KIF18A: variants seen among roughly 807,000 people sequenced by gnomAD.
KIF18A encodes the protein kinesin-like protein KIF18A.
In KIF18A, 67 loss-of-function variants were observed where a neutral mutation model predicts 103.3. The ratio of observed to expected loss-of-function variants is 0.65; its 90% CI spans 0.53 to 0.79. KIF18A has a LOEUF of 0.79. Among genes scored for constraint, KIF18A ranks in the 30% least tolerant of loss-of-function variants. The pLI is 0.00. For synonymous variants in KIF18A, 367 were observed against 355.5 expected (o/e 1.03, Z -0.36); for missense variants, 1,032 against 1,062.5 (o/e 0.97, Z 0.40).
Position 28,082,916 on chromosome 11 carries a change from G to C in KIF18A, c.1202C>G (p.Thr401Ser). Residue 401 changes from threonine (T) to serine (S), a missense_variant, in exon 9 of 17, where the codon ACT becomes AGT. Transcript: ENST00000263181. ...TAACTTTGCTTGGTCATTTTCATTA[G>C]TGAAGGCTTTCTGTTCTTCATAGGC... ...LKAYEEQKAFTNENDQAKLMI... is the reference protein window; with the variant it reads ...LKAYEEQKAFSNENDQAKLMI... 4 of 1,605,734 alleles carry C rather than the reference G, an allele frequency of 2.5e-6. No homozygotes were observed. Among genetic ancestry groups the C allele is most frequent in the Non-Finnish European group, 3.4e-6 (4 of 1,175,342 alleles).
intron 15 of KIF18A, 40 bp downstream of exon 15, chr11:28,035,345 TTA>T (rs758390984): frequency 3.7e-5 from 39 of 1,049,148 alleles, no homozygotes; most frequent in Non-Finnish European, 4.9e-5. Context: ...AAAGATTATC[TTA>T]TATAACTACA....
chr11:28,022,952 A>G (rs902693825), intron 16 of KIF18A, among the ~76,000 whole-genome samples: 1 of 152,226 alleles, frequency 6.6e-6, no homozygotes, highest in South Asian at 2.1e-4. Context: ...ATCATGAGAC[A>G]CCTTTAAATT....
chr11:28,051,699 C>T (rs1376765047), intron 13 of KIF18A, among the ~76,000 whole-genome samples: 1 of 151,994 alleles, frequency 6.6e-6, no homozygotes, highest in Admixed American at 6.6e-5. Flanking sequence ...TATAGTTATA[C>T]TATGTATATT....
At chr11:28,027,395 C>T (rs1282511725) in intron 15 of KIF18A, among the ~76,000 whole-genome samples, 2 of 151,698 alleles carry the variant, frequency 1.3e-5, no homozygotes, top group African/African-American at 4.8e-5. Flanking sequence ...GTATGTTTCT[C>T]TTTATATTAA....
Position 28,069,410 on chromosome 11 carries a change from C to T in KIF18A, c.1439G>A (p.Arg480Gln), listed in dbSNP as rs762505328. The T allele has an allele frequency of 9.9e-6, 16 of 1,612,656 alleles. No homozygotes were observed. Among genetic ancestry groups the T allele is most frequent in the East Asian group, 8.9e-5 (4 of 44,830 alleles). Reference protein sequence around the residue: ...EDKVEKATGKRDHRLAMLKTR... With the variant: ...EDKVEKATGKQDHRLAMLKTR... ...TTTCAACATTGCAAGTCTATGATCTCGTTTTCCAGTGGCCTGAAACACGAT... is the reference window on the plus strand; with the variant it reads ...TTTCAACATTGCAAGTCTATGATCTTGTTTTCCAGTGGCCTGAAACACGAT... The change falls in exon 11 of 17, where the codon CGA becomes CAA. Residue 480 changes from arginine to glutamine, a missense_variant. Arg to Gln is a conservative substitution (Grantham distance 43). Coordinates refer to ENST00000263181, the MANE Select transcript of KIF18A (RefSeq NM_031217.4).
chr11:28,086,748 T>C (rs1851233991), intron 6 of KIF18A, among the ~76,000 whole-genome samples: 1 of 152,202 alleles, frequency 6.6e-6, no homozygotes. Context: ...TTTAAGTGAT[T>C]TTACATGTAC....
intron 11 of KIF18A, among the ~76,000 whole-genome samples, chr11:28,065,316 A>AT (rs1850904287): frequency 1.3e-5 from 2 of 151,966 alleles, no homozygotes; most frequent in Admixed American, 1.3e-4. Context: ...TTTCTCAGCT[A>AT]TTTTTTCAGC....
chr11:28,098,935 G>A (rs1851410816), intron 1 of KIF18A, among the ~76,000 whole-genome samples: 1 of 151,802 alleles, frequency 6.6e-6, no homozygotes, highest in Non-Finnish European at 1.5e-5. Context: ...CAAGATCTGA[G>A]TAAGGACCAA....
At chr11:28,046,297 A>C (rs1175538220) in intron 13 of KIF18A, among the ~76,000 whole-genome samples, 1 of 149,820 alleles carries the variant, frequency 6.7e-6, no homozygotes, top group African/African-American at 2.5e-5. Flanking sequence ...GAACCAACCC[A>C]AATGTCCAAC....
chr11:28,021,291 G>T lies in KIF18A; in HGVS notation c.2615-9C>A. ...GATGTTTCTTTTATGTTCTAGAGAA[G>T]AAATAAAAAGATGCATAAATATGGC... On this transcript the variant is annotated splice_polypyrimidine_tract_variant and intron_variant, in intron 16 of 16. Transcript: ENST00000263181. The T allele has an allele frequency of 7.2e-7, 1 of 1,381,162 alleles. No homozygotes were observed. The highest frequency in any genetic ancestry group is 9.5e-7 in the Non-Finnish European group (1 of 1,054,518). 85.6% of individuals were successfully genotyped at this position (1,381,162 alleles called of 1,614,324 possible).
intron 11 of KIF18A, among the ~76,000 whole-genome samples, chr11:28,068,334 C>T (rs905561600): frequency 2.6e-5 from 4 of 151,190 alleles, no homozygotes; most frequent in Non-Finnish European, 4.4e-5. Context: ...GGGCTTAAAA[C>T]ATAGATGACG....
intron 6 of KIF18A, among the ~76,000 whole-genome samples, chr11:28,087,510 C>A (rs944190363): frequency 6.6e-5 from 10 of 152,110 alleles, no homozygotes; most frequent in African/African-American, 2.4e-4. Flanking sequence ...GGGTTGGTTT[C>A]AAGTCTTTGC....
At chr11:28,102,819 A>C (rs1851463421) in intron 1 of KIF18A, among the ~76,000 whole-genome samples, 1 of 152,194 alleles carries the variant, frequency 6.6e-6, no homozygotes, top group African/African-American at 2.4e-5. Flanking sequence ...TGCAGGAATT[A>C]ATGAGATCGT....
chr11:28,056,745 C>A (rs966382860), intron 13 of KIF18A: 3 of 167,058 alleles, frequency 1.8e-5, no homozygotes, highest in African/African-American at 7.3e-5. Flanking sequence ...AACATAAAAT[C>A]TGACTTCAAC....
chr11:28,062,954 T>C (rs1289720363), intron 11 of KIF18A, among the ~76,000 whole-genome samples: 3 of 152,118 alleles, frequency 2.0e-5, no homozygotes, highest in Admixed American at 6.6e-5. Flanking sequence ...TTCATTTATT[T>C]ATAATTTCTC....
intron 2 of KIF18A, 33 bp downstream of exon 2, chr11:28,097,590 T>C (rs778143283): frequency 1.5e-6 from 2 of 1,349,650 alleles, no homozygotes; most frequent in South Asian, 1.2e-5. Context: ...TGAAATCGGA[T>C]AGAGAAATTA....
At chr11:28,056,582 A>G (rs982054800) in intron 13 of KIF18A, among the ~76,000 whole-genome samples, 1 of 152,046 alleles carries the variant, frequency 6.6e-6, no homozygotes, top group Non-Finnish European at 1.5e-5. Context: ...AACAAAAGAT[A>G]ATGCAGAAAC....
At chr11:28,030,285 A>T (rs889639044) in intron 15 of KIF18A, among the ~76,000 whole-genome samples, 1 of 151,900 alleles carries the variant, frequency 6.6e-6, no homozygotes, top group Admixed American at 6.6e-5. Flanking sequence ...AAACTATACT[A>T]CAAGGCTACA....
chr11:28,065,787 T>C (rs1275124229), intron 11 of KIF18A, among the ~76,000 whole-genome samples: 1 of 152,066 alleles, frequency 6.6e-6, no homozygotes, highest in East Asian at 1.9e-4. Context: ...GAATGCTGAT[T>C]ACATGGACAA....
Sources: allele counts gnomAD v4.1 joint callset (sites outside exome capture counted in the v4.1 genomes callset), GRCh38; gene constraint gnomAD v4.1.1; transcripts MANE v1.5; gene names NCBI Gene and HGNC (gene_info 2026-07-23, HGNC 2026-07-21).